Variants in GM2A observed in about 807,000 individuals in gnomAD.
GM2A encodes GM2 ganglioside activator.
Under a neutral mutation model 12.9 loss-of-function variants are expected in GM2A, and 7 were observed. That is an observed-to-expected ratio of 0.54 (90% CI 0.31 to 1.02). The LOEUF (loss-of-function observed/expected upper bound fraction) is 1.02. GM2A is among the 50% of genes least tolerant of loss of function. GM2A has a pLI of 0.05. For missense variants in GM2A, 246 were observed against 241.0 expected (o/e 1.02, Z -0.14); for synonymous variants, 101 against 96.0 (o/e 1.05, Z -0.30).
Position 151,253,251 on chromosome 5 carries a change from C to G in GM2A, c.35C>G (p.Ala12Gly). The G allele has an allele frequency of 6.2e-7, 1 of 1,614,078 alleles. No homozygotes were observed. The highest frequency in any genetic ancestry group is 8.5e-7 in the Non-Finnish European group (1 of 1,179,962). The change falls in exon 1 of 4, where the codon GCC (alanine) becomes GGC (glycine). Residue 12 changes from alanine (A) to glycine (G), a missense_variant. Transcript: ENST00000357164. ...QSLMQAPLLIALGLLLAAPAQ... is the reference protein window; with the variant it reads ...QSLMQAPLLIGLGLLLAAPAQ... ...CTGATGCAGGCTCCCCTCCTGATCG[C>G]CCTGGGCTTGCTTCTCGCGGCCCCT... is the stretch of plus-strand genomic sequence containing the variant.
intron 1 of GM2A, 137 bp downstream of exon 1, chr5:151,253,434 AATT>A (rs1753627956): frequency 5.6e-6 from 4 of 712,002 alleles, no homozygotes; most frequent in Non-Finnish European, 1.0e-5. Flanking sequence ...CAAAGTAACT[AATT>A]ATGGGATTCT....
rs924513916 is a variant in GM2A at position 151,266,991 on chromosome 5, C to T, written c.426+78C>T. The T allele has an allele frequency of 6.4e-5, 74 of 1,157,310 alleles. 1 individual carries two copies. The South Asian group carries it at 9.1e-4, about 14-fold the overall frequency. The allele number at this position is 1,157,310 out of a possible 1,614,324, so 71.7% of individuals were successfully genotyped here. ...TTGGAGAGAAGGGTCTTTGCATTCTCCTTCTGCAGATCTGCATGTCTCTGG... is the reference window on the plus strand; with the variant it reads ...TTGGAGAGAAGGGTCTTTGCATTCTTCTTCTGCAGATCTGCATGTCTCTGG... On this transcript the variant is annotated intron_variant, in intron 3 of 3. Coordinates refer to ENST00000357164, the MANE Select transcript of GM2A (RefSeq NM_000405.5).
intron 2 of GM2A, among the ~76,000 whole-genome samples, chr5:151,264,636 C>T (rs752218720): frequency 5.3e-5 from 8 of 152,202 alleles, no homozygotes; most frequent in Non-Finnish European, 1.2e-4. Flanking sequence ...GTATTTCCCT[C>T]TCAATGGGAC....
chr5:151,256,589 G>A (rs1434210734), intron 1 of GM2A, among the ~76,000 whole-genome samples: 1 of 142,548 alleles, frequency 7.0e-6, no homozygotes, highest in Non-Finnish European at 1.5e-5. Context: ...CTGGATGACA[G>A]AGTGAGACTC....
At chr5:151,263,395 A>ATATT (rs1554092805) in intron 2 of GM2A, among the ~76,000 whole-genome samples, 11 of 151,554 alleles carry the variant, frequency 7.3e-5, no homozygotes, top group East Asian at 3.9e-4. Context: ...ATATATATAT[A>ATATT]TATTTATTTA....
chr5:151,257,005 C>A (rs78593431), intron 1 of GM2A, among the ~76,000 whole-genome samples: 2,472 of 152,238 alleles, frequency 0.016, 55 homozygotes, highest in East Asian at 0.076. Context: ...ATCATTATGT[C>A]CACATAATAA....
intron 1 of GM2A, 78 bp from the exon 2 acceptor site, chr5:151,259,677 A>G (rs2114032176): frequency 7.0e-7 from 1 of 1,429,282 alleles, no homozygotes; most frequent in South Asian, 1.2e-5. Context: ...CCAGGAGCTC[A>G]TTTTTCCTGT....
At chr5:151,263,957 C>T (rs937846666) in intron 2 of GM2A, among the ~76,000 whole-genome samples, 2 of 152,164 alleles carry the variant, frequency 1.3e-5, no homozygotes, top group African/African-American at 4.8e-5. Context: ...ATTCCATGGC[C>T]GTGGGTAAGA....
chr5:151,257,609 G>A (rs1257114699), intron 1 of GM2A, among the ~76,000 whole-genome samples: 1 of 152,098 alleles, frequency 6.6e-6, no homozygotes, highest in African/African-American at 2.4e-5. Flanking sequence ...TCCTTCAGTG[G>A]GGTTCCACTG....
chr5:151,263,471 C>G (rs937865740), intron 2 of GM2A, among the ~76,000 whole-genome samples: 3 of 152,054 alleles, frequency 2.0e-5, no homozygotes, highest in African/African-American at 7.2e-5. Flanking sequence ...GCTCTTCTGA[C>G]CACTTGCTAG....
Position 151,261,856 on chromosome 5 carries a change from G to A in GM2A, c.243+1940G>A, listed in dbSNP as rs541312980. Among the ~76,000 whole-genome samples the A allele has an allele frequency of 1.2e-4, 18 of 152,362 alleles. No homozygotes were observed. The East Asian group carries it at 3.3e-3, about 28-fold the overall frequency. ...CCCAAAGTGCTGGGATTATAGGCTT[G>A]AGCCACTGTACCTGGCCAGAGGGTT... On this transcript the variant is annotated intron_variant, in intron 2 of 3. Coordinates refer to ENST00000357164, the MANE Select transcript of GM2A (RefSeq NM_000405.5).
Position 151,266,716 on chromosome 5 carries a change from A to G in GM2A, c.244-15A>G, listed in dbSNP as rs769492387. 6.3e-7 allele frequency: 1 copy of G among 1,588,580 alleles called. No homozygotes were observed. The highest frequency in any genetic ancestry group is 1.1e-5 in the South Asian group (1 of 90,490). On this transcript the variant is annotated splice_polypyrimidine_tract_variant and intron_variant, in intron 2 of 3. Coordinates refer to ENST00000357164, the MANE Select transcript of GM2A (RefSeq NM_000405.5). ...ATAACCTTTTTCAAACCTTTGTTTT[A>G]TTTTTTTTTACCAGGTGGATTTAGT...
In GM2A at chr5:151,259,841, C is replaced by T; in HGVS notation, c.168C>T (p.Asp56=). 1 of 1,612,622 alleles carries T rather than the reference C, an allele frequency of 6.2e-7. No individual in the cohort carries two copies. The highest frequency in any genetic ancestry group is 1.7e-5 in the Admixed American group (1 of 60,016). ...TCAGAAGCCTGACTCTGGAGCCTGA[C>T]CCCATCATCGTTCCTGGAAATGTGA... ...AVIRSLTLEP[D]PIIVPGNVTL... The change falls in exon 2 of 4, where the codon GAC becomes GAT. Residue 56 remains aspartate (D), a synonymous_variant. Coordinates refer to ENST00000357164, the MANE Select transcript of GM2A (RefSeq NM_000405.5).
At chr5:151,259,387 G>A (rs1278967914) in intron 1 of GM2A, among the ~76,000 whole-genome samples, 2 of 152,206 alleles carry the variant, frequency 1.3e-5, no homozygotes, top group African/African-American at 4.8e-5. Context: ...CCTCTGCTGG[G>A]ATTCCAAGGC....
chr5:151,269,638 T>A lies in GM2A; in HGVS notation c.*2187T>A. On this transcript the variant is annotated 3_prime_UTR_variant, in exon 4 of 4. Transcript: ENST00000357164. ...AAAGTAATTAGACTTTCCTATTATC[T>A]AAAGCAGGCATCTGGTTCCAGATTT... The A allele has an allele frequency of 5.4e-6, 1 of 185,782 alleles. No homozygotes were observed. Among genetic ancestry groups the A allele is most frequent in the Non-Finnish European group, 1.0e-5 (1 of 98,640 alleles). The allele number at this position is 185,782 out of a possible 1,614,324, so 11.5% of individuals were successfully genotyped here. A position where few individuals can be genotyped will look rare whatever the true frequency, so the allele number is the denominator to read the frequency against.
chr5:151,270,399 A>T lies in GM2A; in HGVS notation c.*2948A>T, dbSNP rs550876876. On this transcript the variant is annotated 3_prime_UTR_variant, in exon 4 of 4. Coordinates refer to ENST00000357164, the MANE Select transcript of GM2A (RefSeq NM_000405.5). ...CTTAGTAAAAACACAATAAAATCAA[A>T]TGACTGGGAGAAAAATTTATCCAGC... is the stretch of plus-strand genomic sequence containing the variant. 2.1e-4 allele frequency: 83 copies of T among 398,590 alleles called. No individual in the cohort carries two copies. Among genetic ancestry groups the T allele is most frequent in the Admixed American group, 4.0e-4 (9 of 22,740 alleles). 24.7% of individuals were successfully genotyped at this position (398,590 alleles called of 1,614,324 possible).
chr5:151,268,956 T>C lies in GM2A; in HGVS notation c.*1505T>C, dbSNP rs1456801824. ...GGTCCCAAGGACAAGGCTCTTCCAG[T>C]GCTAGGAGAGGTATGAGCAGCCTCT... On this transcript the variant is annotated 3_prime_UTR_variant, in exon 4 of 4. Transcript: ENST00000357164. The C allele has an allele frequency of 5.1e-6, 5 of 985,434 alleles. No homozygotes were observed. In the African/African-American group the frequency reaches 8.7e-5, roughly 17 times the overall value. 61.0% of individuals were successfully genotyped at this position (985,434 alleles called of 1,614,324 possible).
chr5:151,256,891 T>G (rs912785530), intron 1 of GM2A, among the ~76,000 whole-genome samples: 2 of 152,198 alleles, frequency 1.3e-5, no homozygotes, highest in Non-Finnish European at 2.9e-5. Flanking sequence ...TGACAGCTTC[T>G]TAGTCTTTCC....
intron 2 of GM2A, among the ~76,000 whole-genome samples, chr5:151,263,089 CTTTTTTTTTTTT>C (rs869289721): frequency 8.4e-6 from 1 of 119,558 alleles, no homozygotes; most frequent in Non-Finnish European, 1.7e-5. Flanking sequence ...TCCCCAATTT[CTTTTTTTTTTTT>C]TTTTTTTTTG....
Sources: allele counts gnomAD v4.1 joint callset (sites outside exome capture counted in the v4.1 genomes callset), GRCh38; gene constraint gnomAD v4.1.1; transcripts MANE v1.5; gene names NCBI Gene and HGNC (gene_info 2026-07-23, HGNC 2026-07-21).